CCDC50: variants seen among roughly 807,000 people sequenced by gnomAD.
CCDC50 encodes coiled-coil domain containing 50, also known as coiled-coil domain-containing protein 50.
A neutral mutation model predicts 70.2 loss-of-function variants in CCDC50; 54 were observed. The ratio of observed to expected loss-of-function variants is 0.77; its 90% CI spans 0.62 to 0.96. The LOEUF is 0.96. Ranked by LOEUF, CCDC50 falls within the 50% of genes least tolerant of loss-of-function variation. The probability of loss-of-function intolerance (pLI) is 0.00; values close to 1 mark genes in which losing one functional copy is unlikely to be tolerated. For synonymous variants in CCDC50, 216 were observed against 198.8 expected (o/e 1.09, Z -0.73); for missense variants, 558 against 578.7 (o/e 0.96, Z 0.37).
intron 6 of CCDC50, among the ~76,000 whole-genome samples, chr3:191,378,884 T>C (rs1713210447): frequency 6.6e-6 from 1 of 152,050 alleles, no homozygotes; most frequent in African/African-American, 2.4e-5. Context: ...AAGAAAGCCA[T>C]GTTTACTAGT....
chr3:191,336,399 A>G (rs1253044992), intron 1 of CCDC50, among the ~76,000 whole-genome samples: 1 of 151,914 alleles, frequency 6.6e-6, no homozygotes, highest in Non-Finnish European at 1.5e-5. Context: ...TTGTGGATTT[A>G]ATTTGTATTT....
chr3:191,330,321 AC>A (rs59801571), intron 1 of CCDC50: 13,286 of 153,174 alleles, frequency 0.087, 697 homozygotes, highest in East Asian at 0.21. Flanking sequence ...ACACACACAC[AC>A]ACACACAATA....
intron 6 of CCDC50, among the ~76,000 whole-genome samples, chr3:191,377,082 AG>A (rs1437098093): frequency 1.5e-4 from 23 of 152,162 alleles, no homozygotes; most frequent in Non-Finnish European, 2.8e-4. Context: ...TGCCAGCACA[AG>A]GGATTGAAAA....
In CCDC50 at chr3:191,398,338, A is replaced by G. The variant is rs1271258376; in HGVS notation, c.*6578A>G. On this transcript the variant is annotated 3_prime_UTR_variant, in exon 12 of 12. Coordinates refer to ENST00000392455, the MANE Select transcript of CCDC50 (RefSeq NM_178335.3). The stretch of plus-strand genomic sequence containing the variant: ...AATAATTTTTAAACCAAAGTATTCT[A>G]TAAGTCTGTGTGCTTTGTTTTCCTG... 2.0e-5 allele frequency: 3 copies of G among 152,216 alleles called. No individual in the cohort carries two copies. Among genetic ancestry groups the G allele is most frequent in the Non-Finnish European group, 4.4e-5 (3 of 68,038 alleles). The allele number at this position is 152,216 out of a possible 1,614,324, so 9.4% of individuals were successfully genotyped here. A position where few individuals can be genotyped will look rare whatever the true frequency, so the allele number is the denominator to read the frequency against.
chr3:191,368,099 G>A (rs1712762918), intron 4 of CCDC50, among the ~76,000 whole-genome samples: 2 of 151,920 alleles, frequency 1.3e-5, no homozygotes, highest in South Asian at 4.1e-4. Context: ...TACAGATAAA[G>A]AATTGAAGTT....
intron 6 of CCDC50, among the ~76,000 whole-genome samples, chr3:191,377,376 G>C (rs900088818): frequency 6.6e-6 from 1 of 152,154 alleles, no homozygotes; most frequent in African/African-American, 2.4e-5. Context: ...GGTTCTAAGA[G>C]CATTTGCAGA....
chr3:191,340,838 A>C (rs531937251), intron 1 of CCDC50, among the ~76,000 whole-genome samples: 1 of 151,958 alleles, frequency 6.6e-6, no homozygotes, highest in Non-Finnish European at 1.5e-5. Flanking sequence ...TTCAGATTCT[A>C]TTTCTTTTTC....
intron 10 of CCDC50, among the ~76,000 whole-genome samples, chr3:191,384,865 A>G (rs888591794): frequency 3.9e-5 from 6 of 152,162 alleles, no homozygotes; most frequent in African/African-American, 9.6e-5. Context: ...CACATCTTTA[A>G]GTCCATGTGA....
chr3:191,346,392 G>T (rs1270547990), intron 1 of CCDC50, among the ~76,000 whole-genome samples: 5 of 152,122 alleles, frequency 3.3e-5, no homozygotes. Flanking sequence ...TTAGAATTTT[G>T]ATGTTTATTC....
Position 191,394,225 on chromosome 3 carries a change from TTA to T in CCDC50, c.*2467_*2468del, listed in dbSNP as rs1713790189. On this transcript the variant is annotated 3_prime_UTR_variant, in exon 12 of 12. Transcript: ENST00000392455. Reference sequence around the variant, plus strand: ...TAAAAGATTACAATTTTAAAATATTTTATGTTTATTTTATTTTTGTGTAAAGC... The same window carrying T: ...TAAAAGATTACAATTTTAAAATATTTTGTTTATTTTATTTTTGTGTAAAGC... 2 of 152,184 alleles carry T rather than the reference TTA, an allele frequency of 1.3e-5. No individual in the cohort carries two copies. Among genetic ancestry groups the T allele is most frequent in the Admixed American group, 6.5e-5 (1 of 15,278 alleles). 9.4% of individuals were successfully genotyped at this position (152,184 alleles called of 1,614,324 possible).
At position 191,393,694 on chromosome 3, in the gene CCDC50, C is replaced by G. The variant is rs1008291065; in HGVS notation, c.*1934C>G. 10 of 152,130 alleles carry G rather than the reference C, an allele frequency of 6.6e-5. No individual in the cohort carries two copies. Among genetic ancestry groups the G allele is most frequent in the African/African-American group, 2.2e-4 (9 of 41,542 alleles). 9.4% of individuals were successfully genotyped at this position (152,130 alleles called of 1,614,324 possible). On this transcript the variant is annotated 3_prime_UTR_variant, in exon 12 of 12. Coordinates refer to ENST00000392455, the MANE Select transcript of CCDC50 (RefSeq NM_178335.3). Reference sequence around the variant, plus strand: ...TGATAAAATGGGTAAAGAAAAACCTCCATTTAAATAAGGAAGGGGAGACAA... The same window carrying G: ...TGATAAAATGGGTAAAGAAAAACCTGCATTTAAATAAGGAAGGGGAGACAA...
At chr3:191,385,156 T>A (rs377383220) in intron 10 of CCDC50, among the ~76,000 whole-genome samples, 41 of 152,236 alleles carry the variant, frequency 2.7e-4, no homozygotes, top group African/African-American at 8.7e-4. Context: ...TAGACTGATT[T>A]ATTTTCTTTT....
intron 10 of CCDC50, among the ~76,000 whole-genome samples, chr3:191,383,686 TA>T (rs1254557986): frequency 6.6e-6 from 1 of 152,202 alleles, no homozygotes; most frequent in Non-Finnish European, 1.5e-5. Flanking sequence ...TTAGTGTCCT[TA>T]AAAAGTAATC....
chr3:191,366,529 A>T (rs1021244790), intron 4 of CCDC50, among the ~76,000 whole-genome samples: 1 of 152,144 alleles, frequency 6.6e-6, no homozygotes, highest in African/African-American at 2.4e-5. Context: ...AAATGTAATT[A>T]AAAATGACTT....
chr3:191,347,825 G>A (rs1711976418), intron 1 of CCDC50, among the ~76,000 whole-genome samples: 1 of 142,340 alleles, frequency 7.0e-6, no homozygotes, highest in African/African-American at 2.5e-5. Flanking sequence ...GGATGTGGAT[G>A]AATGAATATG....
chr3:191,372,814 C>T (rs1712958041), intron 5 of CCDC50, among the ~76,000 whole-genome samples: 1 of 151,968 alleles, frequency 6.6e-6, no homozygotes, highest in South Asian at 2.1e-4. Context: ...AAGTTGTGGT[C>T]TTTGGAGTCA....
intron 1 of CCDC50, among the ~76,000 whole-genome samples, chr3:191,332,684 G>C (rs933407050): frequency 1.3e-5 from 2 of 152,134 alleles, no homozygotes; most frequent in African/African-American, 4.8e-5. Flanking sequence ...ACATATTTTT[G>C]TAAAAAACTT....
chr3:191,366,342 G>C (rs985864519), intron 4 of CCDC50, among the ~76,000 whole-genome samples: 1 of 151,892 alleles, frequency 6.6e-6, no homozygotes, highest in Non-Finnish European at 1.5e-5. Context: ...ATCCTTAACT[G>C]TTTCCTTCCT....
In CCDC50 at chr3:191,397,323, G is replaced by C. The variant is rs1576981634; in HGVS notation, c.*5563G>C. ...TGACATCAGAATTTTTGTATTTCTG[G>C]TCAAATTGGTCTTGGAAATCCCTAT... On this transcript the variant is annotated 3_prime_UTR_variant, in exon 12 of 12. Coordinates refer to ENST00000392455, the MANE Select transcript of CCDC50 (RefSeq NM_178335.3). The C allele has an allele frequency of 6.6e-6, 1 of 152,118 alleles. No homozygotes were observed. The highest frequency in any genetic ancestry group is 6.5e-5 in the Admixed American group (1 of 15,272). The allele number at this position is 152,118 out of a possible 1,614,324, so 9.4% of individuals were successfully genotyped here. A position where few individuals can be genotyped will look rare whatever the true frequency, so the allele number is the denominator to read the frequency against.
Sources: gnomAD v4.1 joint callset for allele counts (sites outside exome capture counted in the v4.1 genomes callset) on GRCh38, gnomAD v4.1.1 for gene constraint, MANE v1.5 for transcripts, NCBI Gene and HGNC (gene_info 2026-07-23, HGNC 2026-07-21) for gene names.